EXOC2: variants seen among roughly 807,000 people sequenced by gnomAD.
EXOC2 encodes exocyst complex component 2, also known as SEC5-like 1.
In EXOC2, 70 loss-of-function variants were observed where a neutral mutation model predicts 131.8. The observed-to-expected ratio is 0.53, with a 90% CI of 0.44 to 0.65. EXOC2 has a LOEUF of 0.65. Ranked by LOEUF, EXOC2 falls within the 30% of genes least tolerant of loss-of-function variation. EXOC2 has a pLI of 0.00. For synonymous variants in EXOC2, 411 were observed against 398.4 expected (o/e 1.03, Z -0.38); for missense variants, 923 against 1,108.6 (o/e 0.83, Z 2.38).
At chr6:565,326 A>T (rs1329707117) in intron 13 of EXOC2, among the ~76,000 whole-genome samples, 3 of 152,208 alleles carry the variant, frequency 2.0e-5, no homozygotes, top group African/African-American at 7.2e-5. Flanking sequence ...TAAACTCTGA[A>T]ATCTGTCATT....
chr6:656,494 G>A (rs1763101646), intron 1 of EXOC2: 3 of 1,606,968 alleles, frequency 1.9e-6, no homozygotes, highest in African/African-American at 2.7e-5. Context: ...TCGGAGGCGC[G>A]CAGGCTGGGC....
At chr6:674,316 TAAAG>T (rs900010925) in intron 1 of EXOC2, among the ~76,000 whole-genome samples, 1 of 151,678 alleles carries the variant, frequency 6.6e-6, no homozygotes, top group African/African-American at 2.4e-5. Flanking sequence ...TAAAAAAAAA[TAAAG>T]ACAGAATTTG....
intron 1 of EXOC2, among the ~76,000 whole-genome samples, chr6:652,896 A>G (rs1762897136): frequency 6.6e-6 from 1 of 152,246 alleles, no homozygotes; most frequent in Non-Finnish European, 1.5e-5. Flanking sequence ...CAAGCCTATC[A>G]GTGCCATTCT....
In EXOC2 at chr6:592,517, G is replaced by A; in HGVS notation, c.1144C>T (p.Leu382Phe). ...TCTTTGCAACTGTGCATGAGCTGAA[G>A]GATCCACTTGTGTTGGGCTCCAATG... The part of the protein sequence containing the change: ...QCIGAQHKWI[L>F]QLMHSCKEGY... Residue 382 changes from leucine (L) to phenylalanine (F), a missense_variant, in exon 11 of 28, where the codon CTT (leucine) becomes TTT (phenylalanine). Physicochemically the swap from Leu to Phe is conservative, Grantham distance 22. Coordinates refer to ENST00000230449, the MANE Select transcript of EXOC2 (RefSeq NM_018303.6). 1 of 1,614,098 alleles carries A rather than the reference G, an allele frequency of 6.2e-7. No individual in the cohort carries two copies.
intron 23 of EXOC2, among the ~76,000 whole-genome samples, chr6:502,735 A>G (rs1049679780): frequency 9.9e-5 from 15 of 152,188 alleles, no homozygotes; most frequent in Admixed American, 2.6e-4. Flanking sequence ...TGGATAATAT[A>G]AGGAGCTCAA....
intron 10 of EXOC2, among the ~76,000 whole-genome samples, chr6:596,158 A>T (rs2127635489): frequency 6.6e-6 from 1 of 152,014 alleles, no homozygotes; most frequent in East Asian, 1.9e-4. Context: ...GCACACGTGC[A>T]GGGGTGGCAG....
At chr6:602,902 G>A (rs748291338) in intron 7 of EXOC2, among the ~76,000 whole-genome samples, 5 of 152,200 alleles carry the variant, frequency 3.3e-5, no homozygotes. Flanking sequence ...TACCTGCCCA[G>A]TGATCTTACA....
intron 2 of EXOC2, among the ~76,000 whole-genome samples, chr6:634,176 C>T (rs906928811): frequency 6.6e-6 from 1 of 152,132 alleles, no homozygotes; most frequent in African/African-American, 2.4e-5. Context: ...AGCAATTCTC[C>T]AGCCTCAGCC....
chr6:630,587 A>G (rs17135998), intron 3 of EXOC2, among the ~76,000 whole-genome samples: 22,363 of 152,236 alleles, frequency 0.15, 2,047 homozygotes, highest in Non-Finnish European at 0.19. Flanking sequence ...ACTACAAATG[A>G]AAACCAAATG....
chr6:502,180 A>G (rs1764254222), intron 23 of EXOC2, among the ~76,000 whole-genome samples: 1 of 152,180 alleles, frequency 6.6e-6, no homozygotes, highest in Non-Finnish European at 1.5e-5. Context: ...TCGAAGCACA[A>G]TAGTAAGCTG....
intron 17 of EXOC2, among the ~76,000 whole-genome samples, chr6:560,794 G>A (rs945008246): frequency 5.3e-5 from 8 of 151,102 alleles, no homozygotes; most frequent in African/African-American, 1.5e-4. Context: ...TGCAACCTCT[G>A]CCTCCCGGGT....
intron 12 of EXOC2, 79 bp downstream of exon 12, chr6:576,678 A>G (rs2127600183): frequency 6.4e-7 from 1 of 1,562,644 alleles, no homozygotes; most frequent in Non-Finnish European, 8.7e-7. Flanking sequence ...CAAATTGGGG[A>G]ATTTTCCAAG....
chr6:575,066 T>G (rs1319760358), intron 12 of EXOC2, among the ~76,000 whole-genome samples: 4 of 152,246 alleles, frequency 2.6e-5, no homozygotes, highest in African/African-American at 9.6e-5. Context: ...CATGTTGAAA[T>G]GTGATCCCCA....
At chr6:526,144 C>T (rs991801539) in intron 23 of EXOC2, among the ~76,000 whole-genome samples, 1 of 152,200 alleles carries the variant, frequency 6.6e-6, no homozygotes, top group Non-Finnish European at 1.5e-5. Flanking sequence ...CATACACACA[C>T]ACGCACACAC....
At chr6:553,390 A>AGTGTGTGTGTGT (rs34996425) in intron 21 of EXOC2, among the ~76,000 whole-genome samples, 2 of 149,942 alleles carry the variant, frequency 1.3e-5, no homozygotes, top group Non-Finnish European at 3.0e-5. Flanking sequence ...TTTGTGTATA[A>AGTGTGTGTGTGT]GTGTGTGTGT....
Position 486,759 on chromosome 6 carries a change from A to G in EXOC2, c.2687T>C (p.Leu896Pro). Residue 896 changes from leucine (L) to proline (P), a missense_variant, in exon 28 of 28, where the codon CTG (leucine) becomes CCG (proline). Coordinates refer to ENST00000230449, the MANE Select transcript of EXOC2 (RefSeq NM_018303.6). The part of the protein sequence containing the change: ...QLSSGADKKL[L>P]EELLNKFKSS... Reference sequence around the variant, plus strand: ...CTTGAACTTGTTCAGGAGCTCTTCCAGTAACCTGCAGGACGGAGACACTTG... The same window carrying G: ...CTTGAACTTGTTCAGGAGCTCTTCCGGTAACCTGCAGGACGGAGACACTTG... The G allele has an allele frequency of 7.4e-6, 12 of 1,613,820 alleles. No individual in the cohort carries two copies. Among genetic ancestry groups the G allele is most frequent in the Non-Finnish European group, 1.0e-5 (12 of 1,179,752 alleles).
intron 1 of EXOC2, among the ~76,000 whole-genome samples, chr6:690,172 T>C (rs926281142): frequency 4.6e-5 from 7 of 152,028 alleles, no homozygotes; most frequent in Non-Finnish European, 8.8e-5. Context: ...CTGGGCAACG[T>C]AGGAAGACCT....
At chr6:667,069 T>C (rs2127769188) in intron 1 of EXOC2, among the ~76,000 whole-genome samples, 1 of 97,250 alleles carries the variant, frequency 1.0e-5, no homozygotes, top group South Asian at 3.3e-4. Flanking sequence ...ATAATCACCG[T>C]AAGTTTTGTT....
At chr6:615,180 T>TGG (rs200446124) in intron 6 of EXOC2, among the ~76,000 whole-genome samples, 3,663 of 111,150 alleles carry the variant, frequency 0.033, 77 homozygotes, top group African/African-American at 0.086. Context: ...TATGTGGGTG[T>TGG]GGGTGTGTGT....
Sources: gnomAD v4.1 joint callset for allele counts (sites outside exome capture counted in the v4.1 genomes callset) on GRCh38, gnomAD v4.1.1 for gene constraint, MANE v1.5 for transcripts, NCBI Gene and HGNC (gene_info 2026-07-23, HGNC 2026-07-21) for gene names.